ABCA13: variants seen among roughly 807,000 people sequenced by gnomAD.
The protein encoded by ABCA13 is ATP-binding cassette sub-family A member 13.
A neutral mutation model predicts 478.7 loss-of-function variants in ABCA13; 476 were observed. That is an observed-to-expected ratio of 0.99 (90% CI 0.92 to 1.07). The LOEUF (loss-of-function observed/expected upper bound fraction) is 1.07, where lower values mean the gene tolerates loss of function less well. Ranked by LOEUF, ABCA13 falls within the 50% of genes least tolerant of loss-of-function variation. ABCA13 has a pLI of 0.00. For synonymous variants in ABCA13, 2,252 were observed against 2,158.9 expected, an observed-to-expected ratio of 1.04 and a Z score of -1.20; for missense variants, 6,060 against 5,910.6, an observed-to-expected ratio of 1.03 and a Z score of -0.83.
chr7:48,538,345 C>A (rs1054297474), intron 55 of ABCA13, among the ~76,000 whole-genome samples: 2 of 152,226 alleles, frequency 1.3e-5, no homozygotes, highest in East Asian at 3.9e-4. Context: ...AGGTGATCCA[C>A]CCACCTCGAC....
intron 55 of ABCA13, among the ~76,000 whole-genome samples, chr7:48,565,852 G>A (rs541294520): frequency 1.4e-4 from 21 of 152,092 alleles, no homozygotes; most frequent in Non-Finnish European, 2.6e-4. Flanking sequence ...CATGGCCCAT[G>A]TTTAAGAGCT....
intron 35 of ABCA13, among the ~76,000 whole-genome samples, chr7:48,378,593 A>G (rs17132278): frequency 0.23 from 35,054 of 151,942 alleles, 4,359 homozygotes; most frequent in African/African-American, 0.33. Context: ...CATTAGGTGA[A>G]GGTTAAACAA....
intron 45 of ABCA13, among the ~76,000 whole-genome samples, chr7:48,479,528 C>G (rs78501712): frequency 0.01 from 1,548 of 152,228 alleles, 50 homozygotes; most frequent in East Asian, 0.096. Context: ...GTGAGCCCCT[C>G]GACTGGCTCT....
At chr7:48,516,903 C>A (rs779770621) in intron 52 of ABCA13, 22 bp downstream of exon 52, 1 of 1,609,324 alleles carries the variant, frequency 6.2e-7, no homozygotes. Flanking sequence ...TGTAGCATCA[C>A]CTCTACACTT....
chr7:48,504,061 T>A (rs1361215804), intron 48 of ABCA13, among the ~76,000 whole-genome samples: 1 of 152,154 alleles, frequency 6.6e-6, no homozygotes, highest in Non-Finnish European at 1.5e-5. Context: ...GCAATAATAA[T>A]TGAAAACCAA....
At chr7:48,464,096 C>T (rs966753174) in intron 43 of ABCA13, among the ~76,000 whole-genome samples, 1 of 152,032 alleles carries the variant, frequency 6.6e-6, no homozygotes, top group Non-Finnish European at 1.5e-5. Context: ...TGAAGTTCCT[C>T]GAGAATCATA....
At chr7:48,220,110 A>AT (rs1463700627) in intron 4 of ABCA13, among the ~76,000 whole-genome samples, 6 of 152,300 alleles carry the variant, frequency 3.9e-5, no homozygotes, top group Non-Finnish European at 7.4e-5. Context: ...CATCCACATT[A>AT]TAAATGGCTT....
At chr7:48,185,349 T>C (rs1796219907) in intron 1 of ABCA13, among the ~76,000 whole-genome samples, 1 of 152,254 alleles carries the variant, frequency 6.6e-6, no homozygotes, top group Admixed American at 6.5e-5. Context: ...ACAAGTTATT[T>C]CAACCTGTTG....
chr7:48,365,543 G>A (rs1010675515), intron 31 of ABCA13, among the ~76,000 whole-genome samples: 15 of 152,092 alleles, frequency 9.9e-5, no homozygotes, highest in African/African-American at 3.4e-4. Context: ...TAGTTTTATT[G>A]TTTTGAGCTT....
chr7:48,389,710 CA>C (rs1462604056), intron 37 of ABCA13, among the ~76,000 whole-genome samples: 1 of 152,148 alleles, frequency 6.6e-6, no homozygotes, highest in African/African-American at 2.4e-5. Flanking sequence ...GTTTAGGATT[CA>C]ATGGCTCTAG....
intron 59 of ABCA13, among the ~76,000 whole-genome samples, chr7:48,637,170 A>C (rs1794705614): frequency 6.6e-6 from 1 of 151,892 alleles, no homozygotes; most frequent in Non-Finnish European, 1.5e-5. Flanking sequence ...CCCCTTCCTT[A>C]TGTAAACACT....
chr7:48,592,869 G>A (rs1377485734), intron 57 of ABCA13, among the ~76,000 whole-genome samples: 1 of 151,716 alleles, frequency 6.6e-6, no homozygotes, highest in African/African-American at 2.4e-5. Context: ...CATATTTTGT[G>A]TGACATAAAT....
intron 27 of ABCA13, among the ~76,000 whole-genome samples, chr7:48,319,351 A>G (rs555696088): frequency 6.6e-6 from 1 of 152,308 alleles, no homozygotes; most frequent in East Asian, 1.9e-4. Flanking sequence ...CTGGTTTTGC[A>G]CTTGTAAAGC....
At chr7:48,636,752 C>G (rs898882892) in intron 59 of ABCA13, among the ~76,000 whole-genome samples, 2 of 152,084 alleles carry the variant, frequency 1.3e-5, no homozygotes, top group Non-Finnish European at 2.9e-5. Context: ...TCCACCTGGC[C>G]CCTCCCTGCA....
At chr7:48,496,042 T>A (rs1455873453) in intron 48 of ABCA13, among the ~76,000 whole-genome samples, 2 of 152,164 alleles carry the variant, frequency 1.3e-5, no homozygotes, top group Admixed American at 6.5e-5. Flanking sequence ...TCATATTTTT[T>A]AAGCTGCACT....
chr7:48,553,109 A>G (rs1313060858), intron 55 of ABCA13, among the ~76,000 whole-genome samples: 1 of 152,102 alleles, frequency 6.6e-6, no homozygotes, highest in Admixed American at 6.6e-5. Flanking sequence ...ACTTAACACA[A>G]TGACCACCAG....
intron 23 of ABCA13, among the ~76,000 whole-genome samples, chr7:48,301,415 A>G (rs1258300784): frequency 1.3e-5 from 2 of 152,072 alleles, no homozygotes; most frequent in African/African-American, 4.8e-5. Context: ...GAAACATTAC[A>G]CATTCCACTT....
At position 48,218,092 on chromosome 7, in the gene ABCA13, C is replaced by T. The variant is rs76199169; in HGVS notation, c.288-1262C>T. On this transcript the variant is annotated intron_variant, in intron 3 of 61. Transcript: ENST00000435803. ...AACATTTCTCATGTTAATGATAGTT[C>T]CTAATTTGGTCTTAAGGACAAATTG... 5.1e-3 allele frequency among the ~76,000 whole-genome samples: 777 copies of T among 152,206 alleles called. 3 individuals carry two copies. The highest frequency in any genetic ancestry group is 0.018 in the African/African-American group (735 of 41,518).
intron 1 of ABCA13, among the ~76,000 whole-genome samples, chr7:48,188,263 T>C (rs1476004547): frequency 6.6e-6 from 1 of 152,240 alleles, no homozygotes; most frequent in Non-Finnish European, 1.5e-5. Flanking sequence ...TTTGTGGAAA[T>C]TGCTCTCCAG....
Sources: allele counts gnomAD v4.1 joint callset (sites outside exome capture counted in the v4.1 genomes callset), GRCh38; gene constraint gnomAD v4.1.1; transcripts MANE v1.5; gene names NCBI Gene and HGNC (gene_info 2026-07-23, HGNC 2026-07-21).